The following DIRAS2 variants were observed in gnomAD, a reference collection of about 807,000 sequenced individuals.
DIRAS2 encodes GTP-binding protein Di-Ras2.
In DIRAS2, 5 loss-of-function variants were observed where a neutral mutation model predicts 13.9. That is an observed-to-expected ratio of 0.36 (90% CI 0.19 to 0.76). DIRAS2 has a LOEUF of 0.76. Ranked by LOEUF, DIRAS2 falls within the 30% of genes least tolerant of loss-of-function variation. The probability of loss-of-function intolerance (pLI) is 0.53; values close to 1 mark genes in which losing one functional copy is unlikely to be tolerated. For missense variants in DIRAS2, 191 were observed against 263.0 expected, an observed-to-expected ratio of 0.73 and a Z score of 1.89; for synonymous variants, 111 against 105.4, an observed-to-expected ratio of 1.05 and a Z score of -0.33.
At chr9:90,633,063 A>T (rs1176546840) in intron 1 of DIRAS2, among the ~76,000 whole-genome samples, 1 of 102,828 alleles carries the variant, frequency 9.7e-6, no homozygotes, top group Non-Finnish European at 2.0e-5. Flanking sequence ...CTGGAAGGAG[A>T]GTGCCACCGT....
intron 1 of DIRAS2, among the ~76,000 whole-genome samples, chr9:90,618,258 T>A (rs569655631): frequency 6.6e-6 from 1 of 152,168 alleles, no homozygotes; most frequent in African/African-American, 2.4e-5. Flanking sequence ...AGTCCAGAAA[T>A]AAACCCTCAT....
At chr9:90,637,139 G>A (rs1355858946) in intron 1 of DIRAS2, among the ~76,000 whole-genome samples, 2 of 152,148 alleles carry the variant, frequency 1.3e-5, no homozygotes, top group Non-Finnish European at 2.9e-5. Context: ...AAAAATTGAA[G>A]TACAGTTTCT....
chr9:90,619,610 T>A (rs1229050976), intron 1 of DIRAS2, among the ~76,000 whole-genome samples: 1 of 152,152 alleles, frequency 6.6e-6, no homozygotes, highest in Non-Finnish European at 1.5e-5. Context: ...AAATGTAAAA[T>A]GATATTGCTG....
In DIRAS2 at chr9:90,613,305, TCA is replaced by T; in HGVS notation, c.521_522del (p.Val174GlufsTer46). 6.2e-7 allele frequency: 1 copy of T among 1,614,042 alleles called. No individual in the cohort carries two copies. The highest frequency in any genetic ancestry group is 8.5e-7 in the Non-Finnish European group (1 of 1,180,012). On this transcript the variant is annotated frameshift_variant, in exon 2 of 2. Coordinates refer to ENST00000375765, the MANE Select transcript of DIRAS2 (RefSeq NM_017594.5). LOFTEE classifies it high-confidence loss of function. This position sits in a 1 kb window ranked among gnomAD's most constrained non-coding sequence, Gnocchi z 5.6. ...ELLNLEKRRTVSLQIDGKKSK... is the reference protein window; with the variant it reads ...ELLNLEKRRTXSLQIDGKKSK... ...CTCTTTTTCCCGTCGATCTGGAGAC[TCA>T]CGGTCCTGCGCTTCTCCAGGTTGAG...
chr9:90,637,420 C>G (rs1825381209), intron 1 of DIRAS2, among the ~76,000 whole-genome samples: 1 of 152,182 alleles, frequency 6.6e-6, no homozygotes, highest in African/African-American at 2.4e-5. Flanking sequence ...GTAAATGGAA[C>G]TGCAGAATCA....
intron 1 of DIRAS2, among the ~76,000 whole-genome samples, chr9:90,617,476 C>T (rs1825180417): frequency 6.6e-6 from 1 of 152,176 alleles, no homozygotes; most frequent in African/African-American, 2.4e-5. Context: ...ATTGAGAGAA[C>T]TTGGCAAGTT....
intron 1 of DIRAS2, among the ~76,000 whole-genome samples, chr9:90,633,749 T>C (rs1436056043): frequency 1.3e-5 from 2 of 152,148 alleles, no homozygotes; most frequent in Non-Finnish European, 2.9e-5. Context: ...AACTGGCGAG[T>C]GCCCACTGGA....
chr9:90,614,784 A>G (rs1479242458), intron 1 of DIRAS2, among the ~76,000 whole-genome samples: 1 of 152,256 alleles, frequency 6.6e-6, no homozygotes, highest in Non-Finnish European at 1.5e-5. Flanking sequence ...GGATAGTAGC[A>G]TAAACTACTT....
chr9:90,632,675 TG>T (rs1825336017), intron 1 of DIRAS2, among the ~76,000 whole-genome samples: 1 of 152,246 alleles, frequency 6.6e-6, no homozygotes. Context: ...ACTTGAACAC[TG>T]CCTGGCCCAT....
intron 1 of DIRAS2, among the ~76,000 whole-genome samples, chr9:90,639,521 G>A (rs1825399781): frequency 6.6e-6 from 1 of 152,168 alleles, no homozygotes; most frequent in South Asian, 2.1e-4. Flanking sequence ...GACCCATAAT[G>A]GGACTTGCGG....
At chr9:90,630,124 G>C (rs1425301701) in intron 1 of DIRAS2, among the ~76,000 whole-genome samples, 5 of 151,944 alleles carry the variant, frequency 3.3e-5, no homozygotes, top group African/African-American at 4.8e-5. Context: ...CTTTGTCTCA[G>C]TCAATAGCAA....
At chr9:90,640,983 T>C (rs529128418) in intron 1 of DIRAS2, among the ~76,000 whole-genome samples, 100 of 152,314 alleles carry the variant, frequency 6.6e-4, no homozygotes, top group Non-Finnish European at 1.2e-4. Context: ...ACCCCAGTTG[T>C]TTTTTAAAAG....
At chr9:90,619,961 G>T (rs1232721486) in intron 1 of DIRAS2, among the ~76,000 whole-genome samples, 1 of 150,370 alleles carries the variant, frequency 6.7e-6, no homozygotes. Context: ...ATACTGTATG[G>T]TTCCATCATA....
rs1443269097 is a variant in DIRAS2 at position 90,610,144 on chromosome 9, G to A, written c.*3084C>T. The A allele has an allele frequency of 3.2e-6, 1 of 307,942 alleles. No homozygotes were observed. Among genetic ancestry groups the A allele is most frequent in the East Asian group, 5.0e-5 (1 of 19,840 alleles). The allele number at this position is 307,942 out of a possible 1,614,324, so 19.1% of individuals were successfully genotyped here. A position where few individuals can be genotyped will look rare whatever the true frequency, so the allele number is the denominator to read the frequency against. On this transcript the variant is annotated 3_prime_UTR_variant, in exon 2 of 2. Coordinates refer to ENST00000375765, the MANE Select transcript of DIRAS2 (RefSeq NM_017594.5). ...ATATTTCCAGAGAACTTATGTAGAA[G>A]CAACACATTACAAATTTTGGGGAAA...
intron 1 of DIRAS2, among the ~76,000 whole-genome samples, chr9:90,636,024 A>ATTTTTT (rs1313587233): frequency 3.4e-5 from 3 of 89,512 alleles, no homozygotes; most frequent in African/African-American, 4.5e-5. Context: ...ACAACTGAAT[A>ATTTTTT]TTCTTTTTTT....
chr9:90,623,820 G>A lies in DIRAS2; in HGVS notation c.-36-9957C>T, dbSNP rs1248244892. On this transcript the variant is annotated intron_variant, in intron 1 of 1. Transcript: ENST00000375765. ...CTTGGGAGGCTGAGGCAGGAGGATC[G>A]CTTCAACCCAGCTGCTCAAGACCAA... Among the ~76,000 whole-genome samples, 5 of 152,110 alleles carry A rather than the reference G, an allele frequency of 3.3e-5. No homozygotes were observed. In the East Asian group the frequency reaches 5.8e-4, roughly 18 times the overall value.
chr9:90,628,204 A>G (rs1825290066), intron 1 of DIRAS2, among the ~76,000 whole-genome samples: 1 of 152,204 alleles, frequency 6.6e-6, no homozygotes, highest in Non-Finnish European at 1.5e-5. Context: ...TCTAACACTC[A>G]GCCCCTAGAC....
intron 1 of DIRAS2, among the ~76,000 whole-genome samples, chr9:90,637,805 A>T (rs1408293433): frequency 6.6e-6 from 1 of 152,136 alleles, no homozygotes; most frequent in Non-Finnish European, 1.5e-5. Context: ...TGTCCCCTTC[A>T]CTGGGACCTT....
At position 90,613,681 on chromosome 9, in the gene DIRAS2, G is replaced by A; in HGVS notation, c.147C>T (p.Ser49=). 1.9e-6 allele frequency: 3 copies of A among 1,614,158 alleles called. No individual in the cohort carries two copies. In the African/African-American group the frequency reaches 4.0e-5, roughly 22 times the overall value. The part of the protein sequence containing the change: ...TVEDTYRQVI[S]CDKSICTLQI... Reference sequence around the variant, plus strand: ...GCAATGTGCATATGCTCTTGTCACAGCTGATCACTTGCCGGTAGGTGTCTT... The same window carrying A: ...GCAATGTGCATATGCTCTTGTCACAACTGATCACTTGCCGGTAGGTGTCTT... The change falls in exon 2 of 2, where the codon AGC becomes AGT. Residue 49 remains serine, a synonymous_variant. Transcript: ENST00000375765. This position sits in a 1 kb window ranked among gnomAD's most constrained non-coding sequence, Gnocchi z 5.6.
Sources: gnomAD v4.1 joint callset for allele counts (sites outside exome capture counted in the v4.1 genomes callset) on GRCh38, gnomAD v4.1.1 for gene constraint, Gnocchi (gnomAD v3.1) non-coding constraint, MANE v1.5 for transcripts, NCBI Gene and HGNC (gene_info 2026-07-23, HGNC 2026-07-21) for gene names.